The following NAV2 variants were observed in gnomAD, a reference collection of about 807,000 sequenced individuals.
The protein encoded by NAV2 is helicase, APC down-regulated 1.
NAV2 carries 54 observed loss-of-function variants against 223.2 expected under a neutral mutation model. The ratio of observed to expected loss-of-function variants is 0.24; its 90% confidence interval spans 0.19 to 0.30. The LOEUF (loss-of-function observed/expected upper bound fraction) is 0.30, where lower values mean the gene tolerates loss of function less well. NAV2 is among the 10% of genes least tolerant of loss of function. The probability of loss-of-function intolerance (pLI) is 1.00; values close to 1 mark genes in which losing one functional copy is unlikely to be tolerated. For missense variants in NAV2, 2,806 were observed against 3,147.5 expected, an observed-to-expected ratio of 0.89 and a Z score of 2.60; for synonymous variants, 1,279 against 1,239.3, an observed-to-expected ratio of 1.03 and a Z score of -0.67.
chr11:19,963,257 C>CT (rs1277025676), intron 10 of NAV2, among the ~76,000 whole-genome samples: 1 of 152,176 alleles, frequency 6.6e-6, no homozygotes, highest in African/African-American at 2.4e-5. Flanking sequence ...GAGACTGTTT[C>CT]TCGTCCCAGT....
At chr11:20,013,676 GCA>G (rs1198306988) in intron 11 of NAV2, among the ~76,000 whole-genome samples, 2 of 152,188 alleles carry the variant, frequency 1.3e-5, no homozygotes, top group African/African-American at 4.8e-5. Context: ...GGTATTTACA[GCA>G]TTTCATACAA....
intron 23 of NAV2, 134 bp from the exon 24 acceptor site, chr11:20,077,859 G>A (rs1348980001): frequency 1.2e-5 from 9 of 738,738 alleles, no homozygotes; most frequent in East Asian, 2.7e-5. Context: ...GTTTGTTCAT[G>A]CCTGTTGATC....
chr11:19,871,576 G>A (rs1334741375), intron 4 of NAV2, among the ~76,000 whole-genome samples: 2 of 152,082 alleles, frequency 1.3e-5, no homozygotes, highest in Non-Finnish European at 2.9e-5. Flanking sequence ...GGCACTAGTG[G>A]TCTTCTGTGA....
At chr11:19,682,273 G>T (rs1321097004) in intron 1 of NAV2, among the ~76,000 whole-genome samples, 2 of 152,180 alleles carry the variant, frequency 1.3e-5, no homozygotes, top group African/African-American at 2.4e-5. Context: ...CCACATGCTT[G>T]GTATGTGCTA....
In NAV2 at chr11:19,444,997, A is replaced by G. The variant is rs908393724; in HGVS notation, c.75+93970A>G. ...AAAAGTTCAATAAAAGTTAACTACCACAACCACCATCTCTGCTATCACTGC... is the reference window on the plus strand; with the variant it reads ...AAAAGTTCAATAAAAGTTAACTACCGCAACCACCATCTCTGCTATCACTGC... On this transcript the variant is annotated intron_variant, in intron 1 of 37. Transcript: ENST00000360655. Among the ~76,000 whole-genome samples the G allele has an allele frequency of 3.3e-5, 5 of 152,354 alleles. No individual in the cohort carries two copies. In the East Asian group the frequency reaches 9.6e-4, roughly 29 times the overall value.
In NAV2 at chr11:20,045,224, C is replaced by A. The variant is rs2057320167; in HGVS notation, c.3456C>A (p.Ile1152=). 1.2e-6 allele frequency: 2 copies of A among 1,614,058 alleles called. No individual in the cohort carries two copies. The change falls in exon 14 of 38, where the codon ATC becomes ATA. Residue 1152 remains isoleucine, a synonymous_variant. Transcript: ENST00000349880. ...VTSRSATLGK[I]PKSSALVSRS... ...GCAGGTCAGCCACACTGGGCAAAAT[C>A]CCAAAGTCATCTGCACTCGTCAGTC... is the stretch of plus-strand genomic sequence containing the variant.
chr11:20,021,048 T>C (rs1041359917), intron 11 of NAV2, among the ~76,000 whole-genome samples: 18 of 152,196 alleles, frequency 1.2e-4, no homozygotes, highest in Non-Finnish European at 2.5e-4. Context: ...ATAAAAACCA[T>C]GCCCTCAGCA....
chr11:19,461,165 A>G (rs977617546), intron 1 of NAV2, among the ~76,000 whole-genome samples: 2 of 152,094 alleles, frequency 1.3e-5, no homozygotes, highest in Non-Finnish European at 2.9e-5. Flanking sequence ...TGCTGAGTAA[A>G]TGCCACGGGA....
intron 1 of NAV2, among the ~76,000 whole-genome samples, chr11:19,420,918 A>G (rs1306508041): frequency 6.6e-6 from 1 of 152,206 alleles, no homozygotes; most frequent in African/African-American, 2.4e-5. Flanking sequence ...CAAGGAAAAC[A>G]AAACAGAACT....
At chr11:19,690,001 G>A (rs1219809678) in intron 1 of NAV2, among the ~76,000 whole-genome samples, 2 of 152,054 alleles carry the variant, frequency 1.3e-5, no homozygotes, top group South Asian at 2.1e-4. Context: ...ACAGAGTTTC[G>A]CTCCTGTTAC....
At chr11:19,885,513 A>T (rs1284923017) in intron 5 of NAV2, among the ~76,000 whole-genome samples, 1 of 152,182 alleles carries the variant, frequency 6.6e-6, no homozygotes, top group Admixed American at 6.6e-5. Context: ...TTTTCATTGA[A>T]TTCTTATTGA....
chr11:20,008,784 A>T (rs1231693254), intron 11 of NAV2, among the ~76,000 whole-genome samples: 2 of 151,276 alleles, frequency 1.3e-5, no homozygotes, highest in Non-Finnish European at 1.5e-5. Flanking sequence ...CCGTTTGCAC[A>T]GAGTGGTGTG....
At chr11:19,710,885 C>T (rs937980606), upstream of NAV2, 2 of 152,236 alleles carry the variant, frequency 1.3e-5, no homozygotes, top group African/African-American at 2.4e-5. Flanking sequence ...ATTCTGTCCA[C>T]AGCTTTATGC....
chr11:19,867,219 C>G (rs1191129913), intron 3 of NAV2, among the ~76,000 whole-genome samples: 1 of 152,174 alleles, frequency 6.6e-6, no homozygotes, highest in Admixed American at 6.5e-5. Flanking sequence ...AGGGTACTCC[C>G]AGCCAGTATT....
rs779018000 is a variant in NAV2, at chr11:19,640,054, G to A, written c.76-192430G>A. Among the ~76,000 whole-genome samples, 8 of 152,310 alleles carry A rather than the reference G, an allele frequency of 5.3e-5. No homozygotes were observed. The East Asian group carries it at 5.8e-4, about 11-fold the overall frequency. ...AGCTCTGTGACTACCAGTGAAGAAC[G>A]AAGAAACCTACTAAGCAGATAATTG... On this transcript the variant is annotated intron_variant, in intron 1 of 37. Coordinates refer to the NAV2 transcript ENST00000360655.
At chr11:20,091,149 T>A in intron 27 of NAV2, 131 bp downstream of exon 27, 2 of 815,882 alleles carry the variant, frequency 2.5e-6, no homozygotes, top group South Asian at 3.7e-5. Context: ...CTTTATCTCT[T>A]TTCAGTCCCT....
At chr11:19,621,798 C>T (rs967198339) in intron 1 of NAV2, among the ~76,000 whole-genome samples, 1 of 152,112 alleles carries the variant, frequency 6.6e-6, no homozygotes, top group African/African-American at 2.4e-5. Context: ...CTTCTGGTAG[C>T]TTTTGAATTT....
intron 1 of NAV2, among the ~76,000 whole-genome samples, chr11:19,789,857 T>C (rs539444855): frequency 7.2e-5 from 11 of 152,288 alleles, no homozygotes; most frequent in Non-Finnish European, 1.2e-4. Flanking sequence ...GTAATGAAGA[T>C]TTTTTACATT....
chr11:19,553,163 C>T (rs192008404), intron 1 of NAV2, among the ~76,000 whole-genome samples: 10 of 152,156 alleles, frequency 6.6e-5, no homozygotes, highest in African/African-American at 2.4e-4. Flanking sequence ...GGGAGGGCAG[C>T]ATTCTTTCAA....
Sources: gnomAD v4.1 joint callset for allele counts (sites outside exome capture counted in the v4.1 genomes callset) on GRCh38, gnomAD v4.1.1 for gene constraint, MANE v1.5 for transcripts, NCBI Gene and HGNC (gene_info 2026-07-23, HGNC 2026-07-21) for gene names.